Variants in GLIS3 observed in about 807,000 individuals in gnomAD.
GLIS3 encodes GLIS family zinc finger 3.
In GLIS3, 53 loss-of-function variants were observed where a neutral mutation model predicts 78.6. The observed-to-expected ratio is 0.67, with a 90% CI of 0.54 to 0.85. GLIS3 has a LOEUF of 0.85. Among genes scored for constraint, GLIS3 ranks in the 40% least tolerant of loss-of-function variants. The pLI, the probability that GLIS3 is intolerant of heterozygous loss-of-function variation, is 0.00. For missense variants in GLIS3, 1,703 were observed against 1,231.1 expected (o/e 1.38, Z -5.74); for synonymous variants, 684 against 509.9 (o/e 1.34, Z -4.60).
intron 2 of GLIS3, among the ~76,000 whole-genome samples, chr9:4,197,906 C>A (rs1025084609): frequency 6.6e-6 from 1 of 151,612 alleles, no homozygotes; most frequent in African/African-American, 2.4e-5. Flanking sequence ...TACAATCACG[C>A]CCCCTAGGAA....
At chr9:4,126,183 G>A (rs1214891870) in intron 2 of GLIS3, among the ~76,000 whole-genome samples, 1 of 152,006 alleles carries the variant, frequency 6.6e-6, no homozygotes. Context: ...CTCCTTCTAT[G>A]TAGAAGTGTC....
chr9:4,083,741 A>T (rs1253237069), intron 4 of GLIS3, among the ~76,000 whole-genome samples: 4 of 152,166 alleles, frequency 2.6e-5, no homozygotes, highest in Non-Finnish European at 5.9e-5. Flanking sequence ...CACAAGAAAA[A>T]ATCCACTGCA....
intron 5 of GLIS3, 60 bp from the exon 6 acceptor site, chr9:3,932,530 G>T: frequency 1.6e-6 from 2 of 1,227,832 alleles, no homozygotes; most frequent in Non-Finnish European, 2.4e-6. Context: ...ATTGGGGAAT[G>T]TTTTACTCAA....
intron 8 of GLIS3, among the ~76,000 whole-genome samples, chr9:3,869,258 TTATC>T (rs371152670): frequency 2.8e-4 from 20 of 72,138 alleles, no homozygotes; most frequent in Admixed American, 5.7e-4. Flanking sequence ...TGAGAAAAAA[TTATC>T]TAGGGTGTGT....
At chr9:3,934,097 T>C (rs1303034549) in intron 5 of GLIS3, among the ~76,000 whole-genome samples, 1 of 152,136 alleles carries the variant, frequency 6.6e-6, no homozygotes, top group Non-Finnish European at 1.5e-5. Flanking sequence ...TATAAAATAG[T>C]GAGTTTATTA....
intron 2 of GLIS3, among the ~76,000 whole-genome samples, chr9:4,163,898 G>A (rs1835692134): frequency 6.6e-6 from 1 of 152,158 alleles, no homozygotes; most frequent in African/African-American, 2.4e-5. Context: ...AAATGAGTAA[G>A]GCCAGTGCTT....
At chr9:4,423,936 G>A in the GLIS3 span, among the ~76,000 whole-genome samples, 1 of 152,158 alleles carries the variant, frequency 6.6e-6, no homozygotes, top group Admixed American at 6.5e-5. Flanking sequence ...ACCAAACAAT[G>A]ACCCTAATCC....
chr9:3,998,758 A>G (rs1448795756), intron 4 of GLIS3, among the ~76,000 whole-genome samples: 1 of 148,800 alleles, frequency 6.7e-6, no homozygotes, highest in East Asian at 1.9e-4. Context: ...TTTTATGTTT[A>G]TTAAAAATAA....
At chr9:4,413,155 A>G in the GLIS3 span, among the ~76,000 whole-genome samples, 1 of 152,252 alleles carries the variant, frequency 6.6e-6, no homozygotes, top group African/African-American at 2.4e-5. Flanking sequence ...CAAATAGAGT[A>G]AGACATGGTC....
intron 4 of GLIS3, among the ~76,000 whole-genome samples, chr9:4,042,572 T>C (rs1198418798): frequency 1.3e-5 from 2 of 152,200 alleles, no homozygotes; most frequent in African/African-American, 2.4e-5. Flanking sequence ...ACATCCACTG[T>C]TCCGAAGATT....
chr9:4,343,115 G>T (rs921354691), intron 2 of GLIS3, among the ~76,000 whole-genome samples: 1 of 152,134 alleles, frequency 6.6e-6, no homozygotes, highest in African/African-American at 2.4e-5. Flanking sequence ...AAGGCAGGAG[G>T]ATCACTTGAG....
At chr9:4,035,563 C>T (rs917817873) in intron 4 of GLIS3, among the ~76,000 whole-genome samples, 8 of 152,092 alleles carry the variant, frequency 5.3e-5, no homozygotes, top group Middle Eastern at 3.4e-3. Flanking sequence ...AGTTGAGGCT[C>T]TAGTCACTTC....
intron 4 of GLIS3, among the ~76,000 whole-genome samples, chr9:4,023,915 G>C (rs775194365): frequency 2.0e-5 from 3 of 151,960 alleles, no homozygotes; most frequent in African/African-American, 4.8e-5. Flanking sequence ...CTCAATGCTC[G>C]TTAAACAGGG....
the GLIS3 span, among the ~76,000 whole-genome samples, chr9:4,402,009 C>G: frequency 1.3e-5 from 2 of 152,086 alleles, no homozygotes; most frequent in Non-Finnish European, 2.9e-5. Context: ...GTTTTTTGCT[C>G]CAATCCCTGG....
In GLIS3 at chr9:3,898,416, C is replaced by T. The variant is rs140089571; in HGVS notation, c.2128+275G>A. 2,780 of 469,340 alleles carry T rather than the reference C, an allele frequency of 5.9e-3. 19 individuals carry two copies. Among genetic ancestry groups the T allele is most frequent in the Non-Finnish European group, 8.0e-3 (2,048 of 255,180 alleles). The allele number at this position is 469,340 out of a possible 1,614,324, so 29.1% of individuals were successfully genotyped here. A position where few individuals can be genotyped will look rare whatever the true frequency, so the allele number is the denominator to read the frequency against. ...GTCTAAATCAAGTGAGTAAATGTAA[C>T]ATAACTGCGAGGGTTGGGTACACTG... On this transcript the variant is annotated intron_variant, in intron 7 of 10. Transcript: ENST00000381971.
the GLIS3 span, among the ~76,000 whole-genome samples, chr9:4,464,350 A>G: frequency 1.3e-5 from 2 of 150,682 alleles, no homozygotes; most frequent in African/African-American, 4.9e-5. Context: ...TGATAGTAAT[A>G]TTTTCTTTTA....
intron 7 of GLIS3, among the ~76,000 whole-genome samples, chr9:3,884,152 T>C (rs1821917065): frequency 6.6e-6 from 1 of 152,214 alleles, no homozygotes; most frequent in South Asian, 2.1e-4. Context: ...TGCAGTTCTC[T>C]TTGTCCAAAT....
At chr9:3,866,530 CAA>C (rs1820598885) in intron 8 of GLIS3, among the ~76,000 whole-genome samples, 1 of 152,086 alleles carries the variant, frequency 6.6e-6, no homozygotes, top group South Asian at 2.1e-4. Flanking sequence ...TGAAGAGGTA[CAA>C]TTTGAGCAGA....
At position 3,967,354 on chromosome 9, in the gene GLIS3, T is replaced by C. The variant is rs1055580553; in HGVS notation, c.1711-30165A>G. ...CCCTGTCTCTACTAAAAATAGAAAA[T>C]TAGCCAGGCGTGGTTGCACGTGCCT... On this transcript the variant is annotated intron_variant, in intron 4 of 10. Transcript: ENST00000381971. Among the ~76,000 whole-genome samples the C allele has an allele frequency of 4.0e-5, 6 of 151,802 alleles. 1 individual carries two copies. Among genetic ancestry groups the C allele is most frequent in the Non-Finnish European group, 7.4e-5 (5 of 67,964 alleles).
Sources: gnomAD v4.1 joint callset for allele counts (sites outside exome capture counted in the v4.1 genomes callset) on GRCh38, gnomAD v4.1.1 for gene constraint, MANE v1.5 for transcripts, NCBI Gene and HGNC (gene_info 2026-07-23, HGNC 2026-07-21) for gene names.